RGS5: variants seen among roughly 807,000 people sequenced by gnomAD.
RGS5 encodes the protein regulator of G protein signaling 5.
RGS5 carries 20 observed loss-of-function variants against 18.9 expected under a neutral mutation model. That is an observed-to-expected ratio of 1.06 (90% confidence interval 0.74 to 1.54). The LOEUF (loss-of-function observed/expected upper bound fraction) is 1.54. Among genes scored for constraint, RGS5 ranks in the 40% most tolerant of loss-of-function variants. The probability of loss-of-function intolerance (pLI) is 0.00; values close to 1 mark genes in which losing one functional copy is unlikely to be tolerated. For missense variants in RGS5, 201 were observed against 211.8 expected, an observed-to-expected ratio of 0.95 and a Z score of 0.32; for synonymous variants, 57 against 76.2, an observed-to-expected ratio of 0.75 and a Z score of 1.31.
rs79948007 is a variant in RGS5, at chr1:163,180,467, A to G, written c.45-12099T>C. On this transcript the variant is annotated intron_variant, in intron 1 of 4. Coordinates refer to ENST00000313961, the MANE Select transcript of RGS5 (RefSeq NM_003617.4). The stretch of plus-strand genomic sequence containing the variant: ...TATAATGGTTCTCTGTGTTAACCAC[A>G]GTAGTTCTCAAACTTCAGTGTACAC... Among the ~76,000 whole-genome samples the G allele has an allele frequency of 6.1e-3, 925 of 152,296 alleles. 11 individuals are homozygous for G. Among genetic ancestry groups the G allele is most frequent in the African/African-American group, 0.021 (868 of 41,560 alleles).
chr1:163,268,938 A>G (rs1427787246), intron 2 of RGS5, among the ~76,000 whole-genome samples: 1 of 152,090 alleles, frequency 6.6e-6, no homozygotes, highest in African/African-American at 2.4e-5. Context: ...CATTTTGAAT[A>G]AGGTCAAATG....
At chr1:163,179,674 C>CA (rs1172897759) in intron 1 of RGS5, among the ~76,000 whole-genome samples, 1 of 151,390 alleles carries the variant, frequency 6.6e-6, no homozygotes, top group Non-Finnish European at 1.5e-5. Context: ...TGTTTTCTGC[C>CA]AAAAAAGAAA....
At chr1:163,169,674 A>G (rs1658214856) in intron 1 of RGS5, among the ~76,000 whole-genome samples, 1 of 152,106 alleles carries the variant, frequency 6.6e-6, no homozygotes, top group South Asian at 2.1e-4. Flanking sequence ...TTGAGAAGTA[A>G]AATGACCACT....
intron 1 of RGS5, among the ~76,000 whole-genome samples, chr1:163,208,046 A>G (rs1659990554): frequency 6.6e-6 from 1 of 152,208 alleles, no homozygotes; most frequent in Admixed American, 6.5e-5. Context: ...GTAAATGTGC[A>G]TAAATTTTCC....
chr1:163,245,951 C>T (rs1571316027), intron 2 of RGS5, among the ~76,000 whole-genome samples: 1 of 152,246 alleles, frequency 6.6e-6, no homozygotes, highest in South Asian at 2.1e-4. Flanking sequence ...GGCTGTGGCT[C>T]ACGCCTGTAA....
At position 163,144,931 on chromosome 1, in the gene RGS5, A is replaced by C. The variant is rs1217188468; in HGVS notation, c.*2411T>G. 1 of 152,214 alleles carries C rather than the reference A, an allele frequency of 6.6e-6. No homozygotes were observed. The highest frequency in any genetic ancestry group is 1.5e-5 in the Non-Finnish European group (1 of 68,022). 9.4% of individuals were successfully genotyped at this position (152,214 alleles called of 1,614,324 possible). The stretch of plus-strand genomic sequence containing the variant: ...TTCATTTATTAGAAGAGTTTCTAAT[A>C]TGTGTAGGAATACAATTTTAAATGT... On this transcript the variant is annotated 3_prime_UTR_variant, in exon 5 of 5. Transcript: ENST00000313961.
intron 1 of RGS5, among the ~76,000 whole-genome samples, chr1:163,201,115 A>G (rs1659756063): frequency 6.6e-6 from 1 of 152,188 alleles, no homozygotes; most frequent in African/African-American, 2.4e-5. Context: ...TCTAAAGTCA[A>G]TTGTTTGCCA....
chr1:163,172,219 T>G (rs1658333997), intron 1 of RGS5, among the ~76,000 whole-genome samples: 1 of 152,166 alleles, frequency 6.6e-6, no homozygotes, highest in African/African-American at 2.4e-5. Flanking sequence ...AAAGTTGGTA[T>G]GAAAACAAAC....
intron 2 of RGS5, among the ~76,000 whole-genome samples, chr1:163,289,533 C>T (rs1649228536): frequency 6.6e-6 from 1 of 152,030 alleles, no homozygotes. Flanking sequence ...GAACCTGTCA[C>T]ATAGTAAGTG....
At chr1:163,186,211 C>G (rs183547979) in intron 1 of RGS5, among the ~76,000 whole-genome samples, 64 of 151,810 alleles carry the variant, frequency 4.2e-4, no homozygotes, top group African/African-American at 1.5e-3. Context: ...GCTGGGATTA[C>G]AGGTGCCCAC....
In RGS5 at chr1:163,152,598, C is replaced by T. The variant is rs190048374; in HGVS notation, c.336G>A (p.Lys112=). 1.2e-6 allele frequency: 2 copies of T among 1,612,854 alleles called. No individual in the cohort carries two copies. The highest frequency in any genetic ancestry group is 1.1e-5 in the South Asian group (1 of 90,760). ...KIKSPAKMAE[K]AKQIYEEFIQ... is the part of the protein sequence containing the mutation. ...TGAATTCTTCATAAATTTGCTTTGC[C>T]TTCTCAGCCATCTTGGCAGGGGACT... The change falls in exon 4 of 5, where the codon AAG becomes AAA. Residue 112 remains lysine, a synonymous_variant. Transcript: ENST00000313961.
chr1:163,202,855 C>A lies in RGS5; in HGVS notation c.-20G>T. On this transcript the variant is annotated 5_prime_UTR_variant, in exon 1 of 5. Transcript: ENST00000313961. ...GCACATTTTGGCAGGTGGCTTAGCT[C>A]CTCCGCTTTAAGTACAACTTCTTAA... The A allele has an allele frequency of 6.2e-7, 1 of 1,612,750 alleles. No homozygotes were observed. Among genetic ancestry groups the A allele is most frequent in the Non-Finnish European group, 8.5e-7 (1 of 1,179,124 alleles).
chr1:163,309,024 C>T (rs1042828164), intron 1 of RGS5, among the ~76,000 whole-genome samples: 13 of 152,096 alleles, frequency 8.5e-5, no homozygotes, highest in African/African-American at 3.1e-4. Flanking sequence ...GAGGGTCTTG[C>T]CTTGGTATTG....
chr1:163,168,154 T>C lies in RGS5; in HGVS notation c.155+104A>G, dbSNP rs954967491. On this transcript the variant is annotated intron_variant, in intron 2 of 4. Transcript: ENST00000313961. ...CTCTGAGGGCTCTTATGATCCTTAA[T>C]GAGTAATTGAAGGGGGTAGTTCTAC... The C allele has an allele frequency of 1.2e-5, 10 of 801,054 alleles. No homozygotes were observed. The African/African-American group carries it at 1.5e-4, about 12-fold the overall frequency. The allele number at this position is 801,054 out of a possible 1,614,324, so 49.6% of individuals were successfully genotyped here.
chr1:163,260,919 G>A (rs1648416657), intron 2 of RGS5, among the ~76,000 whole-genome samples: 1 of 152,154 alleles, frequency 6.6e-6, no homozygotes, highest in Non-Finnish European at 1.5e-5. Context: ...AAATGACTGT[G>A]TGACCATGAA....
upstream of RGS5, among the ~76,000 whole-genome samples, chr1:163,205,732 C>A (rs144246032): frequency 1.5e-4 from 23 of 152,300 alleles, no homozygotes; most frequent in African/African-American, 5.3e-4. Context: ...CAAGTGGAAG[C>A]AGTGAGAGAC....
At chr1:163,263,541 ACCAATCCCATT>A (rs1648504293) in intron 2 of RGS5, among the ~76,000 whole-genome samples, 1 of 152,106 alleles carries the variant, frequency 6.6e-6, no homozygotes, top group East Asian at 1.9e-4. Context: ...ACTCCCAAAG[ACCAATCCCATT>A]CCTTCACTGT....
intron 2 of RGS5, chr1:163,260,636 AC>A (rs1265330584): frequency 6.6e-6 from 1 of 151,884 alleles, no homozygotes; most frequent in Non-Finnish European, 1.5e-5. Context: ...AACAAAAAAA[AC>A]ACTTGTACCT....
At chr1:163,320,522 C>T (rs1650164680) in intron 1 of RGS5, among the ~76,000 whole-genome samples, 1 of 152,172 alleles carries the variant, frequency 6.6e-6, no homozygotes, top group Non-Finnish European at 1.5e-5. Context: ...CTCTCAGTCA[C>T]TACGCTATGG....
Sources: allele counts gnomAD v4.1 joint callset (sites outside exome capture counted in the v4.1 genomes callset), GRCh38; gene constraint gnomAD v4.1.1; transcripts MANE v1.5; gene names NCBI Gene and HGNC (gene_info 2026-07-23, HGNC 2026-07-21).